SBF2: variants seen among roughly 807,000 people sequenced by gnomAD.
SBF2 encodes the protein SET binding factor 2.
SBF2 carries 112 observed loss-of-function variants against 225.2 expected under a neutral mutation model. That is an observed-to-expected ratio of 0.50 (90% CI 0.43 to 0.58). SBF2 has a LOEUF of 0.58. Ranked by LOEUF, SBF2 falls within the 20% of genes least tolerant of loss-of-function variation. The pLI, the probability that SBF2 is intolerant of heterozygous loss-of-function variation, is 0.00. For missense variants in SBF2, 1,996 were observed against 2,206.2 expected, an observed-to-expected ratio of 0.90 and a Z score of 1.91; for synonymous variants, 763 against 773.3, an observed-to-expected ratio of 0.99 and a Z score of 0.22.
chr11:10,046,635 T>TA (rs1400645990), intron 2 of SBF2, among the ~76,000 whole-genome samples: 1 of 150,942 alleles, frequency 6.6e-6, no homozygotes, highest in Non-Finnish European at 1.5e-5. Flanking sequence ...AGAATATCTT[T>TA]TAAAAAAAAA....
intron 1 of SBF2, among the ~76,000 whole-genome samples, chr11:10,196,818 T>C (rs1364592622): frequency 1.4e-5 from 2 of 142,526 alleles, no homozygotes; most frequent in Non-Finnish European, 3.1e-5. Flanking sequence ...TATCCATTTA[T>C]TCCTAGGTTT....
chr11:10,083,141 C>A (rs962638530), intron 2 of SBF2, among the ~76,000 whole-genome samples: 1 of 151,962 alleles, frequency 6.6e-6, no homozygotes, highest in Non-Finnish European at 1.5e-5. Flanking sequence ...GCTACCAAAA[C>A]CAAAACAACA....
chr11:9,867,264 T>C (rs1054829893), intron 17 of SBF2, among the ~76,000 whole-genome samples: 1 of 152,152 alleles, frequency 6.6e-6, no homozygotes, highest in African/African-American at 2.4e-5. Flanking sequence ...ACCTACTATG[T>C]ACCCACAAAA....
intron 38 of SBF2, among the ~76,000 whole-genome samples, chr11:9,783,922 G>A (rs1852198166): frequency 6.6e-6 from 1 of 152,178 alleles, no homozygotes; most frequent in African/African-American, 2.4e-5. Flanking sequence ...TTGAATGGAT[G>A]CTTTCTGCTG....
intron 2 of SBF2, among the ~76,000 whole-genome samples, chr11:10,179,377 A>G (rs1241333174): frequency 1.7e-5 from 2 of 119,726 alleles, no homozygotes; most frequent in Non-Finnish European, 3.8e-5. Context: ...AAAAAACAAA[A>G]ACAAAAAAAC....
chr11:10,015,611 A>C (rs536706053), intron 6 of SBF2, among the ~76,000 whole-genome samples: 5 of 152,320 alleles, frequency 3.3e-5, no homozygotes, highest in African/African-American at 1.2e-4. Flanking sequence ...CTGACCCTTG[A>C]GGTAGATTTT....
At chr11:10,091,678 C>T (rs1951788021) in intron 2 of SBF2, among the ~76,000 whole-genome samples, 1 of 152,046 alleles carries the variant, frequency 6.6e-6, no homozygotes, top group South Asian at 2.1e-4. Flanking sequence ...TCATTTATTC[C>T]ACTCCAAAAA....
chr11:9,924,559 G>A (rs1386144725), intron 16 of SBF2, among the ~76,000 whole-genome samples: 2 of 151,944 alleles, frequency 1.3e-5, no homozygotes, highest in South Asian at 2.1e-4. Flanking sequence ...AGCTTCCCGA[G>A]TAGCTGGGAT....
In SBF2 at chr11:9,778,919, C is replaced by T. The variant is rs1851868230; in HGVS notation, c.*1499G>A. 1 of 152,610 alleles carries T rather than the reference C, an allele frequency of 6.6e-6. No individual in the cohort carries two copies. The highest frequency in any genetic ancestry group is 1.5e-5 in the Non-Finnish European group (1 of 68,036). 9.5% of individuals were successfully genotyped at this position (152,610 alleles called of 1,614,324 possible). ...CTCAAATAGCTGAAGGTACAATGGGCTCCATATTTTACAAAGTACAAAAAA... is the reference window on the plus strand; with the variant it reads ...CTCAAATAGCTGAAGGTACAATGGGTTCCATATTTTACAAAGTACAAAAAA... On this transcript the variant is annotated 3_prime_UTR_variant, in exon 40 of 40. Coordinates refer to ENST00000256190, the MANE Select transcript of SBF2 (RefSeq NM_030962.4).
chr11:9,832,108 G>A, intron 27 of SBF2, 116 bp downstream of exon 27: 1 of 885,450 alleles, frequency 1.1e-6, no homozygotes, highest in African/African-American at 1.6e-5. Flanking sequence ...AAGTGGAAAA[G>A]TTTGTGTGTG....
chr11:9,868,376 G>A (rs1858422981), intron 17 of SBF2, among the ~76,000 whole-genome samples: 2 of 147,346 alleles, frequency 1.4e-5, no homozygotes, highest in South Asian at 4.4e-4. Context: ...AAATTAGGCG[G>A]GTGTGGTGGC....
At chr11:9,911,724 A>C (rs1320812949) in intron 16 of SBF2, among the ~76,000 whole-genome samples, 1 of 152,208 alleles carries the variant, frequency 6.6e-6, no homozygotes, top group Non-Finnish European at 1.5e-5. Context: ...TAATTGTCCT[A>C]TACAGGTGTA....
At chr11:9,966,083 T>C (rs1314372210) in intron 14 of SBF2, among the ~76,000 whole-genome samples, 1 of 152,162 alleles carries the variant, frequency 6.6e-6, no homozygotes, top group East Asian at 1.9e-4. Flanking sequence ...TATTTTCTTT[T>C]TCTTTTTCTT....
At chr11:10,158,117 G>T (rs898250319) in intron 2 of SBF2, among the ~76,000 whole-genome samples, 2 of 151,896 alleles carry the variant, frequency 1.3e-5, no homozygotes, top group African/African-American at 4.8e-5. Context: ...TAAAAGAGAA[G>T]TAAAAAAATA....
chr11:9,998,796 C>T (rs1337412970), intron 8 of SBF2, among the ~76,000 whole-genome samples: 1 of 152,158 alleles, frequency 6.6e-6, no homozygotes, highest in Non-Finnish European at 1.5e-5. Context: ...TCTTGAGTGA[C>T]TTCATAGAGC....
chr11:10,205,635 C>T (rs548941595), intron 1 of SBF2, among the ~76,000 whole-genome samples: 5 of 152,084 alleles, frequency 3.3e-5, no homozygotes, highest in African/African-American at 1.2e-4. Flanking sequence ...CAGGGAAAGC[C>T]CAGAACCATG....
At chr11:10,253,164 T>A (rs1591310598) in intron 1 of SBF2, among the ~76,000 whole-genome samples, 2 of 144,860 alleles carry the variant, frequency 1.4e-5, no homozygotes, top group East Asian at 4.0e-4. Flanking sequence ...AGTTTCAGAA[T>A]TTGCCTCTAG....
intron 2 of SBF2, among the ~76,000 whole-genome samples, chr11:10,118,152 C>T (rs1241362848): frequency 1.3e-5 from 2 of 152,148 alleles, no homozygotes; most frequent in African/African-American, 2.4e-5. Context: ...TATTTGAAGG[C>T]CAAATGTTGT....
intron 1 of SBF2, among the ~76,000 whole-genome samples, chr11:10,242,011 C>T (rs1294815532): frequency 6.6e-6 from 1 of 151,096 alleles, no homozygotes; most frequent in South Asian, 2.1e-4. Flanking sequence ...TGCCCACAGA[C>T]CCTAGGACCT....
Sources: gnomAD v4.1 joint callset for allele counts (sites outside exome capture counted in the v4.1 genomes callset) on GRCh38, gnomAD v4.1.1 for gene constraint, MANE v1.5 for transcripts, NCBI Gene and HGNC (gene_info 2026-07-23, HGNC 2026-07-21) for gene names.